Variants in RASAL2 observed in about 807,000 individuals in gnomAD.
RASAL2 encodes the protein RAS protein activator like 2, also known as ras GTPase-activating protein nGAP.
RASAL2 carries 58 observed loss-of-function variants against 128.9 expected under a neutral mutation model. That is an observed-to-expected ratio of 0.45 (90% CI 0.36 to 0.56). The LOEUF (loss-of-function observed/expected upper bound fraction) is 0.56. Ranked by LOEUF, RASAL2 falls within the 20% of genes least tolerant of loss-of-function variation. The pLI is 0.00. For synonymous variants in RASAL2, 561 were observed against 580.8 expected, an observed-to-expected ratio of 0.97 and a Z score of 0.49; for missense variants, 1,360 against 1,601.6, an observed-to-expected ratio of 0.85 and a Z score of 2.57.
intron 4 of RASAL2, among the ~76,000 whole-genome samples, chr1:178,419,658 G>T (rs1194042954): frequency 6.6e-6 from 1 of 152,120 alleles, no homozygotes; most frequent in Non-Finnish European, 1.5e-5. Context: ...TTTCTTGAAA[G>T]TAGTGACCGT....
intron 1 of RASAL2, among the ~76,000 whole-genome samples, chr1:178,181,777 G>A (rs539850924): frequency 1.4e-5 from 2 of 142,318 alleles, no homozygotes; most frequent in African/African-American, 5.1e-5. Context: ...GGGATTTGCA[G>A]TTTTTTTTTT....
In RASAL2 at chr1:178,464,302, A is replaced by G; in HGVS notation, c.3277A>G (p.Thr1093Ala). ...GGTTCAGTCACCTGTGGACTCTGCC[A>G]CAATGTCCCCAGTAGAGAGGACAGC... ...QQVQSPVDSATMSPVERTAAW... is the reference protein window; with the variant it reads ...QQVQSPVDSAAMSPVERTAAW... Residue 1093 changes from threonine to alanine, a missense_variant, in exon 15 of 18, where the codon ACA becomes GCA. Thr to Ala is a moderately conservative substitution (Grantham distance 58). Around this residue, in one of 3 missense-constraint regions of RASAL2, gnomAD observed 741 missense variants for 868.6 expected, o/e 0.85. Coordinates refer to ENST00000367649, the MANE Select transcript of RASAL2 (RefSeq NM_170692.4). 1 of 1,613,286 alleles carries G rather than the reference A, an allele frequency of 6.2e-7. No homozygotes were observed. Among genetic ancestry groups the G allele is most frequent in the African/African-American group, 1.3e-5 (1 of 75,038 alleles).
chr1:178,248,506 C>A (rs564283464), intron 1 of RASAL2, among the ~76,000 whole-genome samples: 2 of 151,954 alleles, frequency 1.3e-5, no homozygotes, highest in Non-Finnish European at 2.9e-5. Flanking sequence ...TCTAGTTTAC[C>A]GGTTTGTGCC....
chr1:178,128,766 AATAC>A (rs1185656101), intron 1 of RASAL2, among the ~76,000 whole-genome samples: 1 of 152,148 alleles, frequency 6.6e-6, no homozygotes, highest in African/African-American at 2.4e-5. Context: ...TGGACATTTC[AATAC>A]ATAGAATCAT....
intron 1 of RASAL2, among the ~76,000 whole-genome samples, chr1:178,211,846 GTTAC>G (rs1231545348): frequency 3.9e-5 from 6 of 152,230 alleles, no homozygotes; most frequent in Non-Finnish European, 7.4e-5. Flanking sequence ...CATCGTAACA[GTTAC>G]TTGTGTCCAT....
rs148770169 is a variant in RASAL2 at position 178,380,582 on chromosome 1, G to A, written c.458-9518G>A. On this transcript the variant is annotated intron_variant, in intron 3 of 17. Coordinates refer to ENST00000367649, the MANE Select transcript of RASAL2 (RefSeq NM_170692.4). ...TAAGCACATGTGTCTATTGAGTGGGGGTAGGGGCAGGTGTCCAGACAAAGT... is the reference window on the plus strand; with the variant it reads ...TAAGCACATGTGTCTATTGAGTGGGAGTAGGGGCAGGTGTCCAGACAAAGT... 7.2e-3 allele frequency among the ~76,000 whole-genome samples: 1,100 copies of A among 152,198 alleles called. 15 individuals are homozygous for A. The highest frequency in any genetic ancestry group is 0.025 in the African/African-American group (1,038 of 41,534).
chr1:178,100,237 C>T (rs756173555), intron 1 of RASAL2, among the ~76,000 whole-genome samples: 10 of 151,868 alleles, frequency 6.6e-5, no homozygotes, highest in East Asian at 1.9e-4. Flanking sequence ...AAAAATGGGC[C>T]GGGCGCGGTG....
intron 1 of RASAL2, among the ~76,000 whole-genome samples, chr1:178,183,397 T>C (rs999012271): frequency 6.6e-5 from 10 of 152,210 alleles, no homozygotes; most frequent in Non-Finnish European, 1.2e-4. Flanking sequence ...GTAACAAATA[T>C]ATAGTGTCAT....
chr1:178,349,567 A>G (rs1670351419), intron 3 of RASAL2, among the ~76,000 whole-genome samples: 2 of 152,106 alleles, frequency 1.3e-5, no homozygotes, highest in African/African-American at 4.8e-5. Flanking sequence ...CATGTAAATA[A>G]TAGAATTTCT....
At chr1:178,112,417 G>C (rs919293219) in intron 1 of RASAL2, among the ~76,000 whole-genome samples, 4 of 151,958 alleles carry the variant, frequency 2.6e-5, no homozygotes, top group Non-Finnish European at 5.9e-5. Flanking sequence ...GGGCGTGGTG[G>C]TGTGTGCCTG....
intron 1 of RASAL2, among the ~76,000 whole-genome samples, chr1:178,107,640 A>T (rs1239211686): frequency 2.0e-5 from 3 of 152,030 alleles, no homozygotes; most frequent in African/African-American, 7.2e-5. Flanking sequence ...CCCTCCTCTT[A>T]GCAGCTGGTA....
At chr1:178,233,361 T>G (rs570837066) in intron 1 of RASAL2, among the ~76,000 whole-genome samples, 1 of 152,344 alleles carries the variant, frequency 6.6e-6, no homozygotes, top group East Asian at 1.9e-4. Context: ...AGAACCTGCT[T>G]ATGCAGATTC....
chr1:178,350,157 A>G (rs957602984), intron 3 of RASAL2, among the ~76,000 whole-genome samples: 1 of 152,208 alleles, frequency 6.6e-6, no homozygotes, highest in Non-Finnish European at 1.5e-5. Context: ...GTTGCTGTGT[A>G]AAAAGTTACC....
Position 178,435,459 on chromosome 1 carries a change from A to C in RASAL2, c.675-3963A>C, listed in dbSNP as rs10158725. Among the ~76,000 whole-genome samples the C allele has an allele frequency of 7.4e-3, 1,131 of 152,168 alleles. 17 individuals carry two copies. The highest frequency in any genetic ancestry group is 0.026 in the African/African-American group (1,069 of 41,528). Reference sequence around the variant, plus strand: ...CCCAGCCCTTCACTTTTATCTTTTAAGACTGATTTCATATAGGGATGAGGA... The same window carrying C: ...CCCAGCCCTTCACTTTTATCTTTTACGACTGATTTCATATAGGGATGAGGA... On this transcript the variant is annotated intron_variant, in intron 5 of 17. Transcript: ENST00000367649.
chr1:178,145,730 G>A (rs1183070091), intron 1 of RASAL2, among the ~76,000 whole-genome samples: 1 of 152,130 alleles, frequency 6.6e-6, no homozygotes, highest in East Asian at 1.9e-4. Context: ...ATCTGGCATG[G>A]CCAGTTGACT....
chr1:178,096,537 G>A (rs1374712092), intron 1 of RASAL2, among the ~76,000 whole-genome samples: 2 of 150,886 alleles, frequency 1.3e-5, no homozygotes, highest in African/African-American at 2.4e-5. Flanking sequence ...TTTTTCTTTC[G>A]TCCTTCTGAA....
intron 3 of RASAL2, among the ~76,000 whole-genome samples, chr1:178,319,845 G>C (rs921616891): frequency 1.3e-5 from 2 of 152,208 alleles, no homozygotes; most frequent in Admixed American, 6.5e-5. Context: ...GAGGAACTGC[G>C]TTCCTTTGGA....
At chr1:178,111,315 C>T (rs915343215) in intron 1 of RASAL2, among the ~76,000 whole-genome samples, 3 of 152,148 alleles carry the variant, frequency 2.0e-5, no homozygotes, top group African/African-American at 7.2e-5. Context: ...TGCCATGTTG[C>T]CCAGGCTTAT....
intron 4 of RASAL2, among the ~76,000 whole-genome samples, chr1:178,413,569 A>G (rs1674552732): frequency 6.6e-6 from 1 of 152,190 alleles, no homozygotes; most frequent in African/African-American, 2.4e-5. Context: ...CTCACCTAGT[A>G]TTTAGCATAT....
Sources: gnomAD v4.1 joint callset for allele counts (sites outside exome capture counted in the v4.1 genomes callset) on GRCh38, gnomAD v4.1.1 for gene constraint, gnomAD v4.1.1 regional missense constraint, MANE v1.5 for transcripts, NCBI Gene and HGNC (gene_info 2026-07-23, HGNC 2026-07-21) for gene names.